Variants in MAGI2 observed in about 807,000 individuals in gnomAD.
The protein encoded by MAGI2 is membrane associated guanylate kinase, WW and PDZ domain containing 2, also known as membrane-associated guanylate kinase, WW and PDZ domain-containing protein 2.
MAGI2 carries 35 observed loss-of-function variants against 133.3 expected under a neutral mutation model. The ratio of observed to expected loss-of-function variants is 0.26; its 90% CI spans 0.20 to 0.35. MAGI2 has a LOEUF of 0.35. Ranked by LOEUF, MAGI2 falls within the 10% of genes least tolerant of loss-of-function variation. The probability of loss-of-function intolerance (pLI) is 1.00; values close to 1 mark genes in which losing one functional copy is unlikely to be tolerated. For synonymous variants in MAGI2, 729 were observed against 710.6 expected (o/e 1.03, Z -0.41); for missense variants, 1,636 against 1,863.4 (o/e 0.88, Z 2.25).
chr7:78,928,092 A>T (rs1799850420), intron 2 of MAGI2, among the ~76,000 whole-genome samples: 1 of 151,924 alleles, frequency 6.6e-6, no homozygotes. Flanking sequence ...CTTTTCTGGC[A>T]TTCATATTTA....
chr7:78,288,387 A>G (rs1030160860), intron 9 of MAGI2, among the ~76,000 whole-genome samples: 1 of 152,250 alleles, frequency 6.6e-6, no homozygotes, highest in Admixed American at 6.5e-5. Flanking sequence ...AAATTAAAGT[A>G]ATCATGTACT....
intron 21 of MAGI2, among the ~76,000 whole-genome samples, chr7:78,021,864 A>G (rs1346285471): frequency 6.6e-6 from 1 of 152,174 alleles, no homozygotes; most frequent in Non-Finnish European, 1.5e-5. Context: ...AACTTTACAG[A>G]TGTGAGACAT....
chr7:79,347,203 G>A (rs1216268854), intron 1 of MAGI2, among the ~76,000 whole-genome samples: 1 of 151,956 alleles, frequency 6.6e-6, no homozygotes, highest in African/African-American at 2.4e-5. Flanking sequence ...ATAACTGAAT[G>A]TCTTTCTGTC....
chr7:78,712,458 T>A (rs1328574287), intron 2 of MAGI2, among the ~76,000 whole-genome samples: 1 of 152,142 alleles, frequency 6.6e-6, no homozygotes, highest in Non-Finnish European at 1.5e-5. Context: ...AATGAAAAAA[T>A]CTAACACAAG....
At chr7:79,375,489 A>G (rs1191861952) in intron 1 of MAGI2, among the ~76,000 whole-genome samples, 2 of 152,056 alleles carry the variant, frequency 1.3e-5, no homozygotes, top group African/African-American at 4.8e-5. Context: ...TTTTTCATCA[A>G]AATAGTCTAA....
At chr7:79,075,141 C>G (rs768098932) in intron 1 of MAGI2, among the ~76,000 whole-genome samples, 5 of 152,158 alleles carry the variant, frequency 3.3e-5, no homozygotes, top group Non-Finnish European at 5.9e-5. Context: ...GATCTTCTCT[C>G]TTTTTATTCA....
intron 1 of MAGI2, among the ~76,000 whole-genome samples, chr7:79,434,133 C>G (rs1585968717): frequency 6.6e-6 from 1 of 150,966 alleles, no homozygotes; most frequent in Non-Finnish European, 1.5e-5. Flanking sequence ...AAAAAAAAAG[C>G]CAATTGAAGT....
At chr7:78,333,694 T>C (rs17150545) in intron 9 of MAGI2, among the ~76,000 whole-genome samples, 5,591 of 152,272 alleles carry the variant, frequency 0.037, 158 homozygotes, top group South Asian at 0.13. Flanking sequence ...TGTGGAGCAA[T>C]GCCTGGCAAG....
At chr7:79,361,429 C>A (rs764427423) in intron 1 of MAGI2, among the ~76,000 whole-genome samples, 6 of 152,136 alleles carry the variant, frequency 3.9e-5, no homozygotes, top group Non-Finnish European at 7.4e-5. Context: ...TAGGTGAGGA[C>A]AGGCACTTCT....
chr7:78,498,344 A>G (rs74327738), intron 5 of MAGI2, among the ~76,000 whole-genome samples: 2,837 of 152,164 alleles, frequency 0.019, 86 homozygotes, highest in African/African-American at 0.065. Context: ...TCCCTCCCCA[A>G]TCACTGTCTC....
intron 1 of MAGI2, among the ~76,000 whole-genome samples, chr7:79,266,241 AC>A (rs1258604109): frequency 4.5e-5 from 1 of 21,990 alleles, no homozygotes; most frequent in African/African-American, 1.7e-4. Context: ...TGCCCACCCC[AC>A]CCCCACCCCC....
At chr7:78,943,442 C>G (rs938303082) in intron 2 of MAGI2, among the ~76,000 whole-genome samples, 15 of 152,168 alleles carry the variant, frequency 9.9e-5, no homozygotes, top group African/African-American at 3.4e-4. Flanking sequence ...GGATGCGGTA[C>G]TAATTTTGAT....
intron 20 of MAGI2, among the ~76,000 whole-genome samples, chr7:78,092,364 A>G (rs1817292405): frequency 2.6e-5 from 4 of 152,226 alleles, no homozygotes; most frequent in Admixed American, 2.6e-4. Context: ...CATCACTATC[A>G]TTTTGATGCA....
chr7:78,478,375 C>A (rs982882547), intron 6 of MAGI2, among the ~76,000 whole-genome samples: 1 of 151,828 alleles, frequency 6.6e-6, no homozygotes, highest in South Asian at 2.1e-4. Flanking sequence ...ATGGTGGACA[C>A]ACATTGATAT....
At chr7:79,404,336 C>A (rs1845665199) in intron 1 of MAGI2, among the ~76,000 whole-genome samples, 1 of 151,976 alleles carries the variant, frequency 6.6e-6, no homozygotes, top group Admixed American at 6.6e-5. Flanking sequence ...TTCCCCTTCT[C>A]CTACTTATTT....
chr7:78,943,614 G>T (rs1302737846), intron 2 of MAGI2, among the ~76,000 whole-genome samples: 1 of 152,064 alleles, frequency 6.6e-6, no homozygotes. Flanking sequence ...ATTTTAGGAA[G>T]ATTAGGAACA....
At chr7:78,166,105 C>T (rs1340017731) in intron 15 of MAGI2, among the ~76,000 whole-genome samples, 2 of 152,182 alleles carry the variant, frequency 1.3e-5, no homozygotes, top group African/African-American at 4.8e-5. Flanking sequence ...GTAAGAGCTG[C>T]AGCAAAGAGC....
chr7:79,175,922 T>C (rs1399353687), intron 1 of MAGI2, among the ~76,000 whole-genome samples: 1 of 152,052 alleles, frequency 6.6e-6, no homozygotes, highest in Non-Finnish European at 1.5e-5. Flanking sequence ...TTTCAGTGAT[T>C]TATTTTTCTT....
chr7:79,163,502 A>G (rs1284302928), intron 1 of MAGI2, among the ~76,000 whole-genome samples: 6 of 152,092 alleles, frequency 3.9e-5, no homozygotes, highest in African/African-American at 1.4e-4. Flanking sequence ...ACTGAGGATC[A>G]GGTGTTTCTT....
Sources: allele counts gnomAD v4.1 joint callset (sites outside exome capture counted in the v4.1 genomes callset), GRCh38; gene constraint gnomAD v4.1.1; transcripts MANE v1.5; gene names NCBI Gene and HGNC (gene_info 2026-07-23, HGNC 2026-07-21).